Variants in FOXP2 observed in about 807,000 individuals in gnomAD.
FOXP2 encodes forkhead box protein P2.
In FOXP2, 12 loss-of-function variants were observed where a neutral mutation model predicts 115.8. The ratio of observed to expected loss-of-function variants is 0.10; its 90% CI spans 0.07 to 0.17. FOXP2 has a LOEUF of 0.17. Ranked by LOEUF, FOXP2 falls within the 10% of genes least tolerant of loss-of-function variation. The probability of loss-of-function intolerance (pLI) is 1.00; values close to 1 mark genes in which losing one functional copy is unlikely to be tolerated. For missense variants in FOXP2, 629 were observed against 843.5 expected, an observed-to-expected ratio of 0.75 and a Z score of 3.15; for synonymous variants, 328 against 297.7, an observed-to-expected ratio of 1.10 and a Z score of -1.05.
At chr7:114,598,835 C>A (rs1470458252) in intron 3 of FOXP2, among the ~76,000 whole-genome samples, 1 of 152,020 alleles carries the variant, frequency 6.6e-6, no homozygotes, top group Non-Finnish European at 1.5e-5. Context: ...TGAATACACC[C>A]ATGGAACCAC....
intron 2 of FOXP2, chr7:114,297,259 G>A (rs1043493212): frequency 6.8e-5 from 33 of 481,966 alleles, no homozygotes; most frequent in Non-Finnish European, 1.2e-4. Flanking sequence ...TGACTCCATG[G>A]CGCGCAGCTC....
At chr7:114,595,347 G>A (rs183660678) in intron 3 of FOXP2, among the ~76,000 whole-genome samples, 5 of 151,890 alleles carry the variant, frequency 3.3e-5, no homozygotes, top group African/African-American at 1.2e-4. Flanking sequence ...GAAACAGAAG[G>A]GTATTAAACA....
At chr7:114,220,369 C>T (rs1794591267) in intron 1 of FOXP2, among the ~76,000 whole-genome samples, 1 of 152,094 alleles carries the variant, frequency 6.6e-6, no homozygotes, top group African/African-American at 2.4e-5. Flanking sequence ...GTTTCTGTTA[C>T]TATATTTACA....
chr7:114,090,030 G>T (rs1034882090), intron 1 of FOXP2, among the ~76,000 whole-genome samples: 1 of 151,878 alleles, frequency 6.6e-6, no homozygotes, highest in East Asian at 1.9e-4. Flanking sequence ...TATTTGTGAC[G>T]TTTTTGGATT....
intron 2 of FOXP2, among the ~76,000 whole-genome samples, chr7:114,484,638 TAGA>T (rs928453948): frequency 1.3e-5 from 2 of 151,944 alleles, no homozygotes; most frequent in Admixed American, 1.3e-4. Context: ...AAAATTAATA[TAGA>T]AGGTCTTTTT....
At chr7:114,267,625 G>T (rs1795925055) in intron 1 of FOXP2, among the ~76,000 whole-genome samples, 1 of 151,694 alleles carries the variant, frequency 6.6e-6, no homozygotes, top group Non-Finnish European at 1.5e-5. Flanking sequence ...TACTCGGGAG[G>T]CTGAGGCAGG....
intron 1 of FOXP2, among the ~76,000 whole-genome samples, chr7:114,217,583 A>C (rs1452461899): frequency 2.0e-5 from 3 of 152,156 alleles, no homozygotes; most frequent in Non-Finnish European, 4.4e-5. Context: ...GTGTAATCCA[A>C]ATTAAAAGGA....
At chr7:114,576,302 C>A (rs1801572422) in intron 3 of FOXP2, among the ~76,000 whole-genome samples, 1 of 151,796 alleles carries the variant, frequency 6.6e-6, no homozygotes, top group Admixed American at 6.6e-5. Context: ...ATTATCTTTA[C>A]ACGCCCCTCT....
intron 1 of FOXP2, among the ~76,000 whole-genome samples, chr7:114,239,873 T>A (rs753846079): frequency 1.1e-4 from 16 of 152,116 alleles, no homozygotes; most frequent in Non-Finnish European, 2.1e-4. Context: ...CACACAAATG[T>A]ATTCTGTGAT....
At chr7:114,573,409 A>C (rs1302910878) in intron 3 of FOXP2, among the ~76,000 whole-genome samples, 1 of 151,772 alleles carries the variant, frequency 6.6e-6, no homozygotes, top group Admixed American at 6.6e-5. Context: ...ATAAGTACCA[A>C]TATGCCAGAG....
chr7:114,401,101 AT>A (rs1387813997), intron 2 of FOXP2, among the ~76,000 whole-genome samples: 1 of 152,128 alleles, frequency 6.6e-6, no homozygotes, highest in East Asian at 1.9e-4. Context: ...TAGATATCAG[AT>A]GGGGGATGCT....
chr7:114,627,937 C>T lies in FOXP2; in HGVS notation c.259-603C>T, dbSNP rs184945619. Among the ~76,000 whole-genome samples the T allele has an allele frequency of 8.4e-3, 1,272 of 151,686 alleles. 7 individuals carry two copies. The highest frequency in any genetic ancestry group is 0.012 in the Non-Finnish European group (826 of 67,884). ...CTGGATATACACACAGACACACACA[C>T]ACATATATATATATATCTCCTATAT... is the stretch of plus-strand genomic sequence containing the variant. On this transcript the variant is annotated intron_variant, in intron 3 of 16. Coordinates refer to ENST00000350908, the MANE Select transcript of FOXP2 (RefSeq NM_014491.4).
chr7:114,483,143 G>A (rs540896593), intron 2 of FOXP2, among the ~76,000 whole-genome samples: 2 of 151,074 alleles, frequency 1.3e-5, no homozygotes, highest in South Asian at 4.2e-4. Context: ...AGTGAGGTTC[G>A]TTGAAGTCAT....
chr7:114,312,973 T>A (rs1393003404), intron 2 of FOXP2, among the ~76,000 whole-genome samples: 1 of 152,148 alleles, frequency 6.6e-6, no homozygotes, highest in African/African-American at 2.4e-5. Context: ...CATCAAAAGG[T>A]CTTTATAGAG....
chr7:114,683,492 T>A lies in FOXP2; in HGVS notation c.2004-6290T>A, dbSNP rs185603646. Among the ~76,000 whole-genome samples the A allele has an allele frequency of 2.0e-5, 3 of 152,306 alleles. No individual in the cohort carries two copies. The East Asian group carries it at 5.8e-4, about 29-fold the overall frequency. On this transcript the variant is annotated intron_variant, in intron 16 of 16. Coordinates refer to ENST00000350908, the MANE Select transcript of FOXP2 (RefSeq NM_014491.4). ...CTCATCTGTAAAATGGGAAGTCAAATAACAATAACGTTACATTAGACCCAG... is the reference window on the plus strand; with the variant it reads ...CTCATCTGTAAAATGGGAAGTCAAAAAACAATAACGTTACATTAGACCCAG...
Position 114,690,994 on chromosome 7 carries a change from A to G in FOXP2, c.*1068A>G, listed in dbSNP as rs1275357391. 2.2e-6 allele frequency: 1 copy of G among 454,452 alleles called. No homozygotes were observed. The highest frequency in any genetic ancestry group is 4.4e-6 in the Non-Finnish European group (1 of 226,770). The allele number at this position is 454,452 out of a possible 1,614,324, so 28.2% of individuals were successfully genotyped here. On this transcript the variant is annotated 3_prime_UTR_variant, in exon 17 of 17. Coordinates refer to ENST00000350908, the MANE Select transcript of FOXP2 (RefSeq NM_014491.4). Reference sequence around the variant, plus strand: ...TGAGGCCAAAAGTCCATCTAAATGCAATGAAGATTTGCTTTCATTAAAGAC... The same window carrying G: ...TGAGGCCAAAAGTCCATCTAAATGCGATGAAGATTTGCTTTCATTAAAGAC...
At chr7:114,139,929 A>T (rs982849048) in intron 1 of FOXP2, among the ~76,000 whole-genome samples, 6 of 152,084 alleles carry the variant, frequency 3.9e-5, no homozygotes, top group Non-Finnish European at 7.4e-5. Flanking sequence ...CCTGGGCAAC[A>T]TGATGAAACC....
intron 1 of FOXP2, among the ~76,000 whole-genome samples, chr7:114,145,983 T>C (rs1792359162): frequency 6.6e-6 from 1 of 152,200 alleles, no homozygotes; most frequent in African/African-American, 2.4e-5. Context: ...TTTCTATCTG[T>C]ATTCTATATG....
chr7:114,445,334 C>T (rs1794785927), intron 2 of FOXP2, among the ~76,000 whole-genome samples: 1 of 152,102 alleles, frequency 6.6e-6, no homozygotes, highest in African/African-American at 2.4e-5. Context: ...AAGAGATTTG[C>T]TGTAGGTGTC....
Sources: allele counts gnomAD v4.1 joint callset (sites outside exome capture counted in the v4.1 genomes callset), GRCh38; gene constraint gnomAD v4.1.1; transcripts MANE v1.5; gene names NCBI Gene and HGNC (gene_info 2026-07-23, HGNC 2026-07-21).